The following NBPF20 variants were observed in gnomAD, a reference collection of about 807,000 sequenced individuals.
NBPF20 encodes NBPF member 20.
Under a neutral mutation model 68.1 loss-of-function variants are expected in NBPF20, and 90 were observed. That is an observed-to-expected ratio of 1.32 (90% CI 1.11 to 1.58). NBPF20 has a LOEUF of 1.58. Among genes scored for constraint, NBPF20 ranks in the 40% most tolerant of loss-of-function variants. The probability of loss-of-function intolerance (pLI) is 0.00; values close to 1 mark genes in which losing one functional copy is unlikely to be tolerated. For missense variants in NBPF20, 816 were observed against 601.2 expected (o/e 1.36, Z -3.74); for synonymous variants, 290 against 228.1 (o/e 1.27, Z -2.45).
At chr1:145,406,107 TTG>T (rs1316228711), upstream of NBPF20, among the ~76,000 whole-genome samples, 3 of 146,418 alleles carry the variant, frequency 2.0e-5, no homozygotes, top group Admixed American at 2.0e-4. Context: ...TTTTTTTTTT[TTG>T]TATTTTTAGT....
At chr1:145,291,980 G>C (rs1480877374) in intron 137 of NBPF20, among the ~76,000 whole-genome samples, 6 of 150,074 alleles carry the variant, frequency 4.0e-5, no homozygotes, top group African/African-American at 1.5e-4. Flanking sequence ...GAGAGAGACA[G>C]AGACAGAGAG....
chr1:145,425,583 CAG>C, the NBPF20 span, among the ~76,000 whole-genome samples: 1 of 152,200 alleles, frequency 6.6e-6, no homozygotes, highest in Non-Finnish European at 1.5e-5. Context: ...GCTGGATCCT[CAG>C]GGTCTCGCCG....
At chr1:145,397,881 T>C (rs1662335466) in intron 7 of NBPF20, among the ~76,000 whole-genome samples, 1 of 152,006 alleles carries the variant, frequency 6.6e-6, no homozygotes, top group Non-Finnish European at 1.5e-5. Flanking sequence ...ACTAAAGGGA[T>C]GGAGGAAGAT....
chr1:145,421,408 T>C, the NBPF20 span, among the ~76,000 whole-genome samples: 1 of 152,242 alleles, frequency 6.6e-6, no homozygotes, highest in Non-Finnish European at 1.5e-5. Flanking sequence ...TTTCCTTTTA[T>C]GTCAGGTTGA....
At chr1:145,402,320 G>T (rs1450967852) in exon 4 of NBPF20, 5 of 1,609,736 alleles carry the variant, frequency 3.1e-6, no homozygotes, top group Admixed American at 1.7e-5. Context: ...CTCCCTTCCC[G>T]CAACTTCTCC....
At chr1:145,415,066 G>A in the NBPF20 span, among the ~76,000 whole-genome samples, 16 of 152,088 alleles carry the variant, frequency 1.1e-4, 1 homozygote, top group Non-Finnish European at 1.6e-4. Flanking sequence ...TCATTATCGG[G>A]CATTTCCGGA....
chr1:145,290,371 T>A (rs1389975461), exon 138 of NBPF20: 1 of 149,450 alleles, frequency 6.7e-6, no homozygotes, highest in African/African-American at 2.5e-5. Flanking sequence ...ATGGACAAAC[T>A]AGACCTTCTC....
chr1:145,422,990 A>AC, the NBPF20 span, among the ~76,000 whole-genome samples: 1 of 142,726 alleles, frequency 7.0e-6, no homozygotes, highest in Non-Finnish European at 1.5e-5. Context: ...CCTGTCTGAA[A>AC]AAAAAAAAGA....
At chr1:145,400,270 T>C (rs1662457282) in intron 6 of NBPF20, 119 bp downstream of exon 11, 1 of 1,588,112 alleles carries the variant, frequency 6.3e-7, no homozygotes, top group Non-Finnish European at 8.6e-7. Context: ...CCCTGATATC[T>C]GTTTAGAAAC....
intron 137 of NBPF20, 35 bp from the exon 143 acceptor site, chr1:145,291,804 G>A (rs1553657806): frequency 1.9e-6 from 3 of 1,611,622 alleles, no homozygotes; most frequent in South Asian, 1.1e-5. Context: ...AAGCAGCCAG[G>A]GAAAATCAGA....
At chr1:145,403,832 T>C (rs1483959923) in intron 2 of NBPF20, among the ~76,000 whole-genome samples, 2 of 151,830 alleles carry the variant, frequency 1.3e-5, no homozygotes, top group Non-Finnish European at 2.9e-5. Context: ...ATCTGAAGCA[T>C]AAAGTGTGAC....
chr1:145,404,742 T>C (rs1314338241), intron 2 of NBPF20, among the ~76,000 whole-genome samples: 6 of 152,084 alleles, frequency 3.9e-5, no homozygotes, highest in Admixed American at 1.3e-4. Flanking sequence ...TCACTAGTCC[T>C]AGACATTTAG....
At chr1:145,421,224 A>G in the NBPF20 span, among the ~76,000 whole-genome samples, 3 of 152,132 alleles carry the variant, frequency 2.0e-5, no homozygotes, top group Non-Finnish European at 2.9e-5. Context: ...GGGAATTAAG[A>G]GTGTGTGGGT....
chr1:145,394,351 C>T (rs1240080953), intron 8 of NBPF20, among the ~76,000 whole-genome samples: 2 of 151,710 alleles, frequency 1.3e-5, no homozygotes, highest in Non-Finnish European at 2.9e-5. Context: ...AATGTACCAG[C>T]TCTTGAGTCA....
chr1:145,393,374 G>C (rs878909634), intron 9 of NBPF20, 128 bp from the exon 15 acceptor site: 34,118 of 702,244 alleles, frequency 0.049, 1,004 homozygotes, highest in South Asian at 0.06. Context: ...AATGAGGTAA[G>C]AAATTATTGC....
Position 145,393,865 on chromosome 1 carries a change from C to T in NBPF20, c.1043+19G>A, listed in dbSNP as rs1262076278. ...AGGTGTCAACATCAAATTAACTCTCCACAATTTCTCAGACTCACCTGGGAC... is the reference window on the plus strand; with the variant it reads ...AGGTGTCAACATCAAATTAACTCTCTACAATTTCTCAGACTCACCTGGGAC... On this transcript the variant is annotated intron_variant, in intron 9 of 137. Transcript: ENST00000369373. The T allele has an allele frequency of 4.8e-5, 74 of 1,544,298 alleles. No individual in the cohort carries two copies. The highest frequency in any genetic ancestry group is 6.3e-5 in the Non-Finnish European group (71 of 1,129,698).
the NBPF20 span, among the ~76,000 whole-genome samples, chr1:145,410,740 A>G: frequency 1.8e-3 from 251 of 143,200 alleles, 2 homozygotes; most frequent in South Asian, 0.017. Context: ...CTGTCTGTGT[A>G]TATATATATA....
intron 112 of NBPF20, among the ~76,000 whole-genome samples, chr1:145,311,722 T>G (rs1661485210): frequency 3.5e-5 from 1 of 28,736 alleles, no homozygotes; most frequent in Non-Finnish European, 5.0e-5. Flanking sequence ...CCAATATCAT[T>G]TGTCCCAAGT....
At chr1:145,291,738 G>A (rs782265809) in exon 138 of NBPF20, 34 of 1,611,772 alleles carry the variant, frequency 2.1e-5, no homozygotes, top group Admixed American at 5.0e-5. Flanking sequence ...AAGACTTCAG[G>A]CTCTTCCACT....
Sources: allele counts gnomAD v4.1 joint callset (sites outside exome capture counted in the v4.1 genomes callset), GRCh38; gene constraint gnomAD v4.1.1; transcripts MANE v1.5; gene names NCBI Gene and HGNC (gene_info 2026-07-23, HGNC 2026-07-21).